NOX4: variants seen among roughly 807,000 people sequenced by gnomAD.
The protein encoded by NOX4 is NADPH oxidase 4.
Under a neutral mutation model 87.6 loss-of-function variants are expected in NOX4, and 69 were observed. The observed-to-expected ratio is 0.79, with a 90% confidence interval of 0.65 to 0.96. The LOEUF is 0.96. Among genes scored for constraint, NOX4 ranks in the 40% least tolerant of loss-of-function variants. NOX4 has a pLI of 0.00. For missense variants in NOX4, 680 were observed against 681.5 expected (o/e 1.00, Z 0.02); for synonymous variants, 275 against 238.2 (o/e 1.15, Z -1.42).
intron 8 of NOX4, among the ~76,000 whole-genome samples, chr11:89,420,923 C>G (rs1943050153): frequency 6.6e-6 from 1 of 152,074 alleles, no homozygotes; most frequent in Admixed American, 6.6e-5. Flanking sequence ...TTCTTGATCC[C>G]AAGGGCATCC....
chr11:89,584,008 CCTGA>C, the NOX4 span, among the ~76,000 whole-genome samples: 3 of 152,010 alleles, frequency 2.0e-5, no homozygotes, highest in Non-Finnish European at 4.4e-5. Context: ...TGAAAAATTA[CCTGA>C]CTTTCACATT....
the NOX4 span, among the ~76,000 whole-genome samples, chr11:89,512,082 G>A: frequency 3.5e-3 from 525 of 151,988 alleles, 1 homozygote; most frequent in African/African-American, 0.01. Flanking sequence ...ATATTGCATC[G>A]TTTCCTCTTA....
the NOX4 span, among the ~76,000 whole-genome samples, chr11:89,570,112 A>T: frequency 3.9e-5 from 6 of 152,350 alleles, no homozygotes; most frequent in African/African-American, 1.4e-4. Context: ...GTAGACACTC[A>T]TCAGTGCTGA....
rs1379947735 is a variant in NOX4 at position 89,358,759 on chromosome 11, G to GT, written c.1136-3717dup. 6.1e-5 allele frequency among the ~76,000 whole-genome samples: 9 copies of GT among 148,228 alleles called. No homozygotes were observed. In the East Asian group the frequency reaches 7.9e-4, roughly 13 times the overall value. On this transcript the variant is annotated intron_variant, in intron 12 of 17. Coordinates refer to ENST00000263317, the MANE Select transcript of NOX4 (RefSeq NM_016931.5). ...AATAATTTGATGTTTTATTTGTTAA[G>GT]TAAAAAAAAAAAAAGATATATTAAT... is the stretch of plus-strand genomic sequence containing the variant.
chr11:89,491,289 A>C lies in NOX4; in HGVS notation c.-43T>G. The C allele has an allele frequency of 6.3e-7, 1 of 1,584,290 alleles. No individual in the cohort carries two copies. Among genetic ancestry groups the C allele is most frequent in the Non-Finnish European group, 8.6e-7 (1 of 1,164,176 alleles). ...GCTGCGCTCTGTGCCCGCCGGACCG[A>C]GAAGGAGCGGGCGGCGGCCGGGGCA... On this transcript the variant is annotated 5_prime_UTR_variant, in exon 1 of 18. Coordinates refer to ENST00000263317, the MANE Select transcript of NOX4 (RefSeq NM_016931.5).
rs1392129127 is a variant in NOX4 at position 89,473,208 on chromosome 11, G to A, written c.153+17250C>T. ...AGAAATTATCTGTGCACAGGAGAAG[G>A]CATGGAGAAGTTGAAAGTGTTTTGC... On this transcript the variant is annotated intron_variant, in intron 2 of 17. Transcript: ENST00000263317. Among the ~76,000 whole-genome samples, 3 of 152,154 alleles carry A rather than the reference G, an allele frequency of 2.0e-5. No homozygotes were observed. The East Asian group carries it at 5.8e-4, about 29-fold the overall frequency.
chr11:89,427,027 C>T (rs1943458255), intron 7 of NOX4, among the ~76,000 whole-genome samples: 1 of 152,154 alleles, frequency 6.6e-6, no homozygotes, highest in East Asian at 1.9e-4. Flanking sequence ...GACAAAGCTT[C>T]CAGAGGAATG....
intron 11 of NOX4, among the ~76,000 whole-genome samples, 176 bp from the exon 12 acceptor site, chr11:89,373,668 G>C (rs1368841533): frequency 6.6e-6 from 1 of 151,834 alleles, no homozygotes; most frequent in African/African-American, 2.4e-5. Context: ...ATGTCAACAG[G>C]TCAGTAAGAC....
chr11:89,339,545 C>T (rs369636684), intron 15 of NOX4, among the ~76,000 whole-genome samples: 17 of 152,096 alleles, frequency 1.1e-4, no homozygotes, highest in African/African-American at 3.4e-4. Flanking sequence ...AAATGTTACA[C>T]GTAGGATAGG....
At chr11:89,400,834 A>G (rs1941803732) in intron 9 of NOX4, among the ~76,000 whole-genome samples, 1 of 135,676 alleles carries the variant, frequency 7.4e-6, no homozygotes, top group African/African-American at 2.9e-5. Flanking sequence ...TGCATAATAT[A>G]CATACATATA....
chr11:89,373,593 T>C lies in NOX4; in HGVS notation c.1075-101A>G, dbSNP rs923397548. The C allele has an allele frequency of 2.2e-5, 17 of 758,580 alleles. No homozygotes were observed. The Admixed American group carries it at 2.4e-4, about 11-fold the overall frequency. The allele number at this position is 758,580 out of a possible 1,614,324, so 47.0% of individuals were successfully genotyped here. A position where few individuals can be genotyped will look rare whatever the true frequency, so the allele number is the denominator to read the frequency against. ...CCTGATAGCAAGTCCCCCATATCAA[T>C]AGATAACAGGAAGGAACAGACTAAA... On this transcript the variant is annotated intron_variant, in intron 11 of 17. Coordinates refer to ENST00000263317, the MANE Select transcript of NOX4 (RefSeq NM_016931.5).
intron 6 of NOX4, among the ~76,000 whole-genome samples, chr11:89,440,344 G>A (rs1487656037): frequency 6.6e-6 from 1 of 152,002 alleles, no homozygotes; most frequent in African/African-American, 2.4e-5. Context: ...TTTAGACGGA[G>A]TCTTACTCTG....
At chr11:89,421,284 T>C (rs1943073007) in intron 8 of NOX4, among the ~76,000 whole-genome samples, 2 of 152,178 alleles carry the variant, frequency 1.3e-5, no homozygotes, top group South Asian at 4.1e-4. Flanking sequence ...ATTTTCTTCA[T>C]CTATCTTCAT....
chr11:89,503,379 C>T, the NOX4 span, among the ~76,000 whole-genome samples: 17 of 151,948 alleles, frequency 1.1e-4, no homozygotes, highest in Non-Finnish European at 2.1e-4. Context: ...AGAATATAAA[C>T]AGGAAATATG....
intron 8 of NOX4, among the ~76,000 whole-genome samples, chr11:89,411,584 G>A (rs373032153): frequency 2.4e-4 from 37 of 152,244 alleles, no homozygotes; most frequent in African/African-American, 7.2e-4. Context: ...CAGTAGCTAC[G>A]CAGTACCTCA....
intron 2 of NOX4, among the ~76,000 whole-genome samples, chr11:89,468,354 T>C (rs1945793353): frequency 6.6e-6 from 1 of 152,258 alleles, no homozygotes; most frequent in Non-Finnish European, 1.5e-5. Context: ...AATTAGTTGC[T>C]TCTACAATTG....
the NOX4 span, among the ~76,000 whole-genome samples, chr11:89,522,490 C>T: frequency 6.6e-6 from 1 of 152,086 alleles, no homozygotes; most frequent in South Asian, 2.1e-4. Context: ...GCAGTAGAAA[C>T]TGGGGTTTAC....
intron 17 of NOX4, among the ~76,000 whole-genome samples, chr11:89,335,389 T>C (rs1945658357): frequency 6.6e-6 from 1 of 151,776 alleles, no homozygotes; most frequent in African/African-American, 2.4e-5. Flanking sequence ...CATATTACAA[T>C]GCAGAGAGTT....
chr11:89,364,242 GTC>G lies in NOX4; in HGVS notation c.1135+9188_1135+9189del, dbSNP rs898167334. On this transcript the variant is annotated intron_variant, in intron 12 of 17. Coordinates refer to ENST00000263317, the MANE Select transcript of NOX4 (RefSeq NM_016931.5). ...AGCCTAGGTGACAGAGTGAGACCCT[GTC>G]TCTCTCTCTCTTTCTCTCTCTCTGT... 3.3e-5 allele frequency among the ~76,000 whole-genome samples: 5 copies of G among 151,560 alleles called. No individual in the cohort carries two copies. In the South Asian group the frequency reaches 8.3e-4, roughly 25 times the overall value.
Sources: allele counts gnomAD v4.1 joint callset (sites outside exome capture counted in the v4.1 genomes callset), GRCh38; gene constraint gnomAD v4.1.1; transcripts MANE v1.5; gene names NCBI Gene and HGNC (gene_info 2026-07-23, HGNC 2026-07-21).